PAN2: variants seen among roughly 807,000 people sequenced by gnomAD.
The protein encoded by PAN2 is poly(A) specific ribonuclease subunit PAN2, also known as PAN2-PAN3 deadenylation complex catalytic subunit PAN2.
PAN2 carries 68 observed loss-of-function variants against 133.3 expected under a neutral mutation model. The observed-to-expected ratio is 0.51, with a 90% CI of 0.42 to 0.62. The LOEUF is 0.62. PAN2 is among the 20% of genes least tolerant of loss of function. The pLI is 0.00. For missense variants in PAN2, 1,042 were observed against 1,500.5 expected, an observed-to-expected ratio of 0.69 and a Z score of 5.05; for synonymous variants, 462 against 544.6, an observed-to-expected ratio of 0.85 and a Z score of 2.11.
In PAN2 at chr12:56,324,491, G is replaced by T. The variant is rs746439965; in HGVS notation, c.1731C>A (p.Gly577=). Reference sequence around the variant, plus strand: ...TACGGAATGCCCGAAGAAAATTATTGCCCTGGAAATGTGTTGGTGGAAAGG... The same window carrying T: ...TACGGAATGCCCGAAGAAAATTATTTCCCTGGAAATGTGTTGGTGGAAAGG... The part of the protein sequence containing the change: ...LDLSRGDPCQ[G]NNFLRAFRTI... The change falls in exon 12 of 26, where the codon GGC becomes GGA. Residue 577 remains glycine, a splice_region_variant and synonymous_variant. Transcript: ENST00000440411. 2 of 1,613,186 alleles carry T rather than the reference G, an allele frequency of 1.2e-6. No homozygotes were observed. Among genetic ancestry groups the T allele is most frequent in the Non-Finnish European group, 1.7e-6 (2 of 1,179,250 alleles).
intron 8 of PAN2, 25 bp downstream of exon 8, chr12:56,326,288 G>A (rs1955230597): frequency 6.4e-7 from 1 of 1,560,842 alleles, no homozygotes; most frequent in South Asian, 1.1e-5. Context: ...CCGGGGTCGG[G>A]GCTGACCCTC....
chr12:56,325,511 A>G, intron 8 of PAN2, 57 bp from the exon 9 acceptor site: 1 of 1,600,752 alleles, frequency 6.2e-7, no homozygotes, highest in South Asian at 1.1e-5. Flanking sequence ...TTGGCTTCAC[A>G]CTCATTTATC....
At position 56,328,645 on chromosome 12, in the gene PAN2, T is replaced by C. The variant is rs761728719; in HGVS notation, c.283-4A>G. On this transcript the variant is annotated splice_polypyrimidine_tract_variant and splice_region_variant and intron_variant, in intron 2 of 25. Coordinates refer to ENST00000440411, the MANE Select transcript of PAN2 (RefSeq NM_014871.6). ...CAAAAAATGAAGTGGCATGGCCCTA[T>C]AGAGGACAAAGACAACAGAGACACT... is the stretch of plus-strand genomic sequence containing the variant. 8 of 1,613,726 alleles carry C rather than the reference T, an allele frequency of 5.0e-6. No individual in the cohort carries two copies. The highest frequency in any genetic ancestry group is 4.0e-5 in the African/African-American group (3 of 75,050).
intron 24 of PAN2, chr12:56,318,688 G>T: frequency 2.1e-6 from 1 of 473,574 alleles, no homozygotes. Flanking sequence ...TTCCCCCCAT[G>T]CTTTTATTTT....
At position 56,317,510 on chromosome 12, in the gene PAN2, TG is replaced by T; in HGVS notation, c.*98del. ...CCTAGACCCTGAGCACGTCCAGTAC[TG>T]GAAGTGGACAAGGTATAGCCAACTT... On this transcript the variant is annotated 3_prime_UTR_variant, in exon 26 of 26. Transcript: ENST00000440411. 1 of 936,594 alleles carries T rather than the reference TG, an allele frequency of 1.1e-6. No homozygotes were observed. The highest frequency in any genetic ancestry group is 1.8e-5 in the Admixed American group (1 of 54,138). 58.0% of individuals were successfully genotyped at this position (936,594 alleles called of 1,614,324 possible).
chr12:56,318,288 T>G lies in PAN2; in HGVS notation c.3511A>C (p.Arg1171=), dbSNP rs1368415503. ...KVLKGLYEKG[R]KMDWKVPEPE... is the part of the protein sequence containing the mutation. ...TCAGGCACCTTCCAGTCCATCTTTC[T>G]GCCCTTCTCATAAAGACCCTTGAGC... Residue 1171 remains arginine, a synonymous_variant, in exon 25 of 26, where the codon AGA becomes CGA. Coordinates refer to ENST00000440411, the MANE Select transcript of PAN2 (RefSeq NM_014871.6). The G allele has an allele frequency of 6.2e-7, 1 of 1,614,212 alleles. No homozygotes were observed.
At chr12:56,322,798 G>T in intron 17 of PAN2, 40 bp from the exon 18 acceptor site, 1 of 1,465,996 alleles carries the variant, frequency 6.8e-7, no homozygotes, top group Non-Finnish European at 9.2e-7. Context: ...TAAGTTTAAG[G>T]ATGGGGAAGG....
At chr12:56,325,272 C>T in intron 9 of PAN2, 63 bp downstream of exon 9, 1 of 1,604,146 alleles carries the variant, frequency 6.2e-7, no homozygotes, top group Non-Finnish European at 8.5e-7. Flanking sequence ...AATCCTTTCT[C>T]ATATGACTTC....
At position 56,327,485 on chromosome 12, in the gene PAN2, G is replaced by C; in HGVS notation, c.798C>G (p.Phe266Leu). ...TCATGCGCAAATCATACACCTTGAG[G>C]AAACGGTCGCAGGCCAGGCCAGTGA... ...SRLTGLACDR[F>L]LKVYDLRMMR... The change falls in exon 6 of 26, where the codon TTC becomes TTG. Residue 266 changes from phenylalanine (F) to leucine (L), a missense_variant. By Grantham distance (22) the Phe-to-Leu change is conservative (BLOSUM62 0). Around this residue, in one of 3 missense-constraint regions of PAN2, gnomAD observed 908 missense variants for 1,223.5 expected, o/e 0.74. Coordinates refer to ENST00000440411, the MANE Select transcript of PAN2 (RefSeq NM_014871.6). The C allele has an allele frequency of 6.2e-7, 1 of 1,614,252 alleles. No homozygotes were observed. Among genetic ancestry groups the C allele is most frequent in the Non-Finnish European group, 8.5e-7 (1 of 1,180,060 alleles).
In PAN2 at chr12:56,326,410, C is replaced by A; in HGVS notation, c.1263-1G>T. 1 of 1,585,970 alleles carries A rather than the reference C, an allele frequency of 6.3e-7. No individual in the cohort carries two copies. Among genetic ancestry groups the A allele is most frequent in the East Asian group, 2.3e-5 (1 of 44,202 alleles). ...CTCTGCATCCACGGGTGGTGCTCGC[C>A]TACAATCCAGCATAGTTCTAGGACT... On this transcript the variant is annotated splice_acceptor_variant, in intron 7 of 25. Coordinates refer to ENST00000440411, the MANE Select transcript of PAN2 (RefSeq NM_014871.6). LOFTEE classifies it high-confidence loss of function.
At chr12:56,317,798 G>A (rs553514896) in intron 25 of PAN2, among the ~76,000 whole-genome samples, 155 bp from the exon 26 acceptor site, 4 of 152,260 alleles carry the variant, frequency 2.6e-5, no homozygotes, top group African/African-American at 7.2e-5. Flanking sequence ...TTAATGGAGA[G>A]TTTCGATAAA....
In PAN2 at chr12:56,324,449, T is replaced by C. The variant is rs376051054; in HGVS notation, c.1773A>G (p.Ser591=). Residue 591 remains serine, a synonymous_variant, in exon 12 of 26, where the codon TCA becomes TCG. Transcript: ENST00000440411. ...LRAFRTIPEA[S]ALGLILADSD... is the part of the protein sequence containing the mutation. ...AGTCAGCCAGGATTAGACCGAGGGCTGAGGCCTCAGGAATAGTACGGAATG... is the reference window on the plus strand; with the variant it reads ...AGTCAGCCAGGATTAGACCGAGGGCCGAGGCCTCAGGAATAGTACGGAATG... The C allele has an allele frequency of 2.4e-5, 39 of 1,614,100 alleles. No individual in the cohort carries two copies. Among genetic ancestry groups the C allele is most frequent in the Non-Finnish European group, 3.0e-5 (35 of 1,180,046 alleles).
At chr12:56,321,402 T>TA (rs1177892848) in intron 20 of PAN2, among the ~76,000 whole-genome samples, 1 of 150,672 alleles carries the variant, frequency 6.6e-6, no homozygotes, top group Non-Finnish European at 1.5e-5. Context: ...CTACTTTTTG[T>TA]ATTTTTTGTA....
intron 16 of PAN2, 28 bp downstream of exon 16, chr12:56,323,283 C>T (rs1222537658): frequency 6.2e-7 from 1 of 1,613,956 alleles, no homozygotes. Context: ...CAATTCAATC[C>T]TTTGACAACT....
At position 56,321,392 on chromosome 12, in the gene PAN2, C is replaced by T. The variant is rs1030461589; in HGVS notation, c.2788+686G>A. On this transcript the variant is annotated intron_variant, in intron 20 of 25. Coordinates refer to ENST00000440411, the MANE Select transcript of PAN2 (RefSeq NM_014871.6). ...AACAGGAGCACATCACCATACCCAGCTACTTTTTGTATTTTTTGTAGAGAC... is the reference window on the plus strand; with the variant it reads ...AACAGGAGCACATCACCATACCCAGTTACTTTTTGTATTTTTTGTAGAGAC... Among the ~76,000 whole-genome samples the T allele has an allele frequency of 2.0e-5, 3 of 150,736 alleles. No individual in the cohort carries two copies. The East Asian group carries it at 6.1e-4, about 31-fold the overall frequency.
In PAN2 at chr12:56,322,443, G is replaced by A; in HGVS notation, c.2677C>T (p.Leu893Phe). The change falls in exon 19 of 26, where the codon CTT becomes TTT. Residue 893 changes from leucine to phenylalanine, a missense_variant. Transcript: ENST00000440411. ...HQQWYLFNDF[L>F]IEPIDKHEAV... Reference sequence around the variant, plus strand: ...CTAACCTTATCAATAGGTTCAATAAGAAAGTCATTGAACAGATACCACTGC... The same window carrying A: ...CTAACCTTATCAATAGGTTCAATAAAAAAGTCATTGAACAGATACCACTGC... 1 of 1,612,264 alleles carries A rather than the reference G, an allele frequency of 6.2e-7. No individual in the cohort carries two copies. Among genetic ancestry groups the A allele is most frequent in the Non-Finnish European group, 8.5e-7 (1 of 1,178,300 alleles).
chr12:56,321,180 C>G (rs1385457018), intron 20 of PAN2, among the ~76,000 whole-genome samples: 3 of 151,740 alleles, frequency 2.0e-5, no homozygotes, highest in African/African-American at 7.3e-5. Flanking sequence ...CCCGCCTCAG[C>G]TTCTCCAATA....
In PAN2 at chr12:56,327,519, G is replaced by A. The variant is rs755497442; in HGVS notation, c.764C>T (p.Ser255Phe). The A allele has an allele frequency of 6.2e-7, 1 of 1,614,250 alleles. No individual in the cohort carries two copies. Among genetic ancestry groups the A allele is most frequent in the Non-Finnish European group, 8.5e-7 (1 of 1,180,056 alleles). ...GCAGGCCAGGCCAGTGAGGCGGCTG[G>A]AGAAGCCACAGGCAGCTAGCAGGTT... ...HGNLLAACGF[S>F]SRLTGLACDR... Residue 255 changes from serine (S) to phenylalanine (F), a missense_variant, in exon 6 of 26, where the codon TCC (serine) becomes TTC (phenylalanine). Ser to Phe is a radical substitution (Grantham distance 155, BLOSUM62 -2). Transcript: ENST00000440411.
At chr12:56,326,243 T>C (rs900182313) in intron 8 of PAN2, 70 bp downstream of exon 8, 6 of 1,373,498 alleles carry the variant, frequency 4.4e-6, no homozygotes, top group Admixed American at 2.3e-5. Context: ...AAAGAAAGAC[T>C]AGTAAAGGAA....
Sources: allele counts gnomAD v4.1 joint callset (sites outside exome capture counted in the v4.1 genomes callset), GRCh38; gene constraint gnomAD v4.1.1; regional missense constraint gnomAD v4.1.1; transcripts MANE v1.5; gene names NCBI Gene and HGNC (gene_info 2026-07-23, HGNC 2026-07-21).